PDGFRB: variants seen among roughly 807,000 people sequenced by gnomAD.
The protein encoded by PDGFRB is platelet-derived growth factor receptor beta.
Under a neutral mutation model 120.2 loss-of-function variants are expected in PDGFRB, and 42 were observed. That is an observed-to-expected ratio of 0.35 (90% CI 0.27 to 0.45). PDGFRB has a LOEUF of 0.45. Ranked by LOEUF, PDGFRB falls within the 20% of genes least tolerant of loss-of-function variation. The pLI is 1.00. For synonymous variants in PDGFRB, 586 were observed against 606.8 expected (o/e 0.97, Z 0.50); for missense variants, 1,149 against 1,476.3 (o/e 0.78, Z 3.63).
intron 9 of PDGFRB, 102 bp from the exon 10 acceptor site, chr5:150,130,070 A>G (rs1420819913): frequency 1.4e-5 from 13 of 905,198 alleles, no homozygotes; most frequent in South Asian, 1.4e-4. Context: ...TCCAGTTCCT[A>G]TGTCCCACTG....
At chr5:150,124,877 C>A in intron 12 of PDGFRB, 46 bp from the exon 13 acceptor site, 1 of 939,158 alleles carries the variant, frequency 1.1e-6, no homozygotes. Context: ...CAGGAAGCTG[C>A]ACCGCTCCCC....
At chr5:150,147,870 C>T (rs1015972831) in intron 1 of PDGFRB, among the ~76,000 whole-genome samples, 2 of 152,188 alleles carry the variant, frequency 1.3e-5, no homozygotes, top group Admixed American at 1.3e-4. Flanking sequence ...ACACAGCCCT[C>T]TGCAAAGTTG....
At chr5:150,131,202 C>T (rs1321532571) in intron 8 of PDGFRB, among the ~76,000 whole-genome samples, 1 of 152,184 alleles carries the variant, frequency 6.6e-6, no homozygotes, top group African/African-American at 2.4e-5. Context: ...AAGTCTGCAC[C>T]AGGCCCACAA....
At chr5:150,140,947 C>T (rs1057472139) in intron 1 of PDGFRB, among the ~76,000 whole-genome samples, 16 of 152,190 alleles carry the variant, frequency 1.1e-4, no homozygotes, top group African/African-American at 1.7e-4. Flanking sequence ...AGCTTCCCTC[C>T]CTCAGGGTCC....
chr5:150,144,369 G>A (rs1580818593), intron 1 of PDGFRB, among the ~76,000 whole-genome samples: 1 of 152,124 alleles, frequency 6.6e-6, no homozygotes, highest in African/African-American at 2.4e-5. Context: ...ACTGAGGGAG[G>A]AAGGCGGCTG....
rs1207642277 is a variant in PDGFRB at position 150,134,812 on chromosome 5, C to T, written c.569G>A (p.Cys190Tyr). 1 of 1,614,142 alleles carries T rather than the reference C, an allele frequency of 6.2e-7. No individual in the cohort carries two copies. The highest frequency in any genetic ancestry group is 1.7e-5 in the Admixed American group (1 of 60,030). The change falls in exon 4 of 23, where the codon TGC becomes TAC. Residue 190 changes from cysteine (C) to tyrosine (Y), a missense_variant. By Grantham distance (194) the Cys-to-Tyr change is radical (BLOSUM62 -2). Around this residue, in one of 3 missense-constraint regions of PDGFRB, gnomAD observed 879 missense variants for 1,108.6 expected, o/e 0.79. Coordinates refer to ENST00000261799, the MANE Select transcript of PDGFRB (RefSeq NM_002609.4). ...SGIFEDRSYI[C>Y]KTTIGDREVD... is the part of the protein sequence containing the mutation. ...CTCCCTGTCCCCAATGGTGGTTTTG[C>T]AGATGTAGCTTCTGTCCTCAAAGAT...
Position 150,134,952 on chromosome 5 carries a change from A to G in PDGFRB, c.429T>C (p.Thr143=), listed in dbSNP as rs963862926. The change falls in exon 4 of 23, where the codon ACT becomes ACC. Residue 143 remains threonine, a synonymous_variant. Coordinates refer to ENST00000261799, the MANE Select transcript of PDGFRB (RefSeq NM_002609.4). The stretch of plus-strand genomic sequence containing the variant: ...TTACTCGGCATGGAATGGTGATCTC[A>G]GTTATTTCCGTGAGAAAGATGAATA... The part of the protein sequence containing the change: ...EELFIFLTEI[T]EITIPCRVTD... The G allele has an allele frequency of 6.2e-7, 1 of 1,613,600 alleles. No individual in the cohort carries two copies. The highest frequency in any genetic ancestry group is 1.3e-5 in the African/African-American group (1 of 75,054).
chr5:150,150,603 G>A (rs1386408415), intron 1 of PDGFRB, among the ~76,000 whole-genome samples: 3 of 152,046 alleles, frequency 2.0e-5, no homozygotes, highest in African/African-American at 7.2e-5. Flanking sequence ...GGAAGCATCT[G>A]GTGGATGTAG....
intron 8 of PDGFRB, among the ~76,000 whole-genome samples, chr5:150,131,430 C>T (rs901740403): frequency 6.6e-5 from 10 of 152,202 alleles, no homozygotes; most frequent in African/African-American, 2.2e-4. Flanking sequence ...TTCCTCAGCC[C>T]TGATCACTGT....
intron 1 of PDGFRB, among the ~76,000 whole-genome samples, chr5:150,141,645 A>G (rs1231868484): frequency 2.0e-5 from 3 of 152,170 alleles, no homozygotes; most frequent in Admixed American, 2.0e-4. Context: ...GATGGATTTG[A>G]GAGTTACTTA....
In PDGFRB at chr5:150,120,980, C is replaced by A; in HGVS notation, c.2494G>T (p.Val832Leu). ...ACCAGCTTGCCTTCACAGATGAGCACGTTCCTAGCCGCCAGGTCTCTGTGG... is the reference window on the plus strand; with the variant it reads ...ACCAGCTTGCCTTCACAGATGAGCAAGTTCCTAGCCGCCAGGTCTCTGTGG... ...CVHRDLAARN[V>L]LICEGKLVKI... is the part of the protein sequence containing the mutation. The change falls in exon 18 of 23, where the codon GTG becomes TTG. Residue 832 changes from valine (V) to leucine (L), a missense_variant. Physicochemically the swap from Val to Leu is conservative, Grantham distance 32. Around this residue, in one of 3 missense-constraint regions of PDGFRB, gnomAD observed 68 missense variants for 153.3 expected, o/e 0.44. Coordinates refer to ENST00000261799, the MANE Select transcript of PDGFRB (RefSeq NM_002609.4). This position sits in a 1 kb window ranked among gnomAD's most constrained non-coding sequence, Gnocchi z 4.3. The A allele has an allele frequency of 6.2e-7, 1 of 1,613,822 alleles. No individual in the cohort carries two copies. The highest frequency in any genetic ancestry group is 8.5e-7 in the Non-Finnish European group (1 of 1,179,834).
Position 150,120,817 on chromosome 5 carries a change from G to A in PDGFRB, c.2586+71C>T. On this transcript the variant is annotated intron_variant, in intron 18 of 22. Transcript: ENST00000261799. This position sits in a 1 kb window ranked among gnomAD's most constrained non-coding sequence, Gnocchi z 4.3. ...TTTCCTATGAGCTGCAGCCACACTG[G>A]TCAGGAGGGAATCTGTTCCTGCGGT... is the stretch of plus-strand genomic sequence containing the variant. 7 of 1,464,106 alleles carry A rather than the reference G, an allele frequency of 4.8e-6. No individual in the cohort carries two copies. Among genetic ancestry groups the A allele is most frequent in the South Asian group, 1.2e-5 (1 of 86,230 alleles). 90.7% of individuals were successfully genotyped at this position (1,464,106 alleles called of 1,614,324 possible). A position where few individuals can be genotyped will look rare whatever the true frequency, so the allele number is the denominator to read the frequency against.
At chr5:150,119,979 G>A (rs947705965) in intron 19 of PDGFRB, 33 bp downstream of exon 19, 5 of 1,072,174 alleles carry the variant, frequency 4.7e-6, no homozygotes, top group African/African-American at 1.5e-5. Flanking sequence ...ACCAGGCCAG[G>A]ATGCTGAGGG....
intron 1 of PDGFRB, among the ~76,000 whole-genome samples, chr5:150,139,756 C>T (rs1038252081): frequency 5.3e-5 from 8 of 151,966 alleles, no homozygotes; most frequent in Non-Finnish European, 1.0e-4. Flanking sequence ...CCGAGCCAGG[C>T]GGATCACGAG....
At chr5:150,154,573 A>G (rs1017571684) in intron 1 of PDGFRB, among the ~76,000 whole-genome samples, 2 of 152,228 alleles carry the variant, frequency 1.3e-5, no homozygotes, top group African/African-American at 2.4e-5. Context: ...TTCTCCAGGC[A>G]CTGGGGAGCC....
chr5:150,120,736 G>A lies in PDGFRB; in HGVS notation c.2586+152C>T, dbSNP rs2063520647. ...CCATCCTGTCCCTGCACACATAGCT[G>A]GGCAGGCACAGCCCATCACTGCTGT... On this transcript the variant is annotated intron_variant, in intron 18 of 22. Transcript: ENST00000261799. This position sits in a 1 kb window ranked among gnomAD's most constrained non-coding sequence, Gnocchi z 4.3. 2 of 727,684 alleles carry A rather than the reference G, an allele frequency of 2.7e-6. No homozygotes were observed. The highest frequency in any genetic ancestry group is 3.5e-5 in the African/African-American group (2 of 56,864). 45.1% of individuals were successfully genotyped at this position (727,684 alleles called of 1,614,324 possible). A position where few individuals can be genotyped will look rare whatever the true frequency, so the allele number is the denominator to read the frequency against.
chr5:150,141,640 A>C (rs1181693858), intron 1 of PDGFRB, among the ~76,000 whole-genome samples: 2 of 152,126 alleles, frequency 1.3e-5, no homozygotes, highest in Non-Finnish European at 2.9e-5. Flanking sequence ...AAACAGATGG[A>C]TTTGAGAGTT....
chr5:150,143,213 GA>G (rs1017350260), intron 1 of PDGFRB, among the ~76,000 whole-genome samples: 5 of 152,196 alleles, frequency 3.3e-5, no homozygotes, highest in African/African-American at 1.2e-4. Flanking sequence ...TTTATTTCTG[GA>G]ATTTTCCATT....
intron 1 of PDGFRB, among the ~76,000 whole-genome samples, chr5:150,147,699 C>T (rs1760963386): frequency 6.6e-6 from 1 of 152,210 alleles, no homozygotes; most frequent in Admixed American, 6.5e-5. Context: ...CACTGACCCT[C>T]TCACTGTCTC....
Sources: allele counts gnomAD v4.1 joint callset (sites outside exome capture counted in the v4.1 genomes callset), GRCh38; gene constraint gnomAD v4.1.1; regional missense constraint gnomAD v4.1.1; non-coding constraint Gnocchi (gnomAD v3.1); transcripts MANE v1.5; gene names NCBI Gene and HGNC (gene_info 2026-07-23, HGNC 2026-07-21).